The following MCTP2 variants were observed in gnomAD, a reference collection of about 807,000 sequenced individuals.
The protein encoded by MCTP2 is multiple C2 and transmembrane domain-containing protein 2.
Under a neutral mutation model 111.6 loss-of-function variants are expected in MCTP2, and 132 were observed. The ratio of observed to expected loss-of-function variants is 1.18; its 90% CI spans 1.03 to 1.37. The LOEUF (loss-of-function observed/expected upper bound fraction) is 1.37, where lower values mean the gene tolerates loss of function less well. MCTP2 is among the 40% of genes most tolerant of loss of function. The probability of loss-of-function intolerance (pLI) is 0.00; values close to 1 mark genes in which losing one functional copy is unlikely to be tolerated. For synonymous variants in MCTP2, 395 were observed against 387.7 expected (o/e 1.02, Z -0.22); for missense variants, 1,183 against 1,067.9 (o/e 1.11, Z -1.50).
chr15:94,260,940 A>G (rs1370631730), intron 1 of MCTP2, among the ~76,000 whole-genome samples: 2 of 152,110 alleles, frequency 1.3e-5, no homozygotes, highest in Non-Finnish European at 2.9e-5. Flanking sequence ...AACATTTACA[A>G]CCTGTTCTCT....
Position 94,458,125 on chromosome 15 carries a change from T to C in MCTP2, c.2251-12T>C, listed in dbSNP as rs1281923247. ...AAGTAACTGAGTTAAATCTTGCTTT[T>C]ATGTTTTCTAGGAATCTGAGAAAAA... On this transcript the variant is annotated splice_polypyrimidine_tract_variant and intron_variant, in intron 19 of 22. Coordinates refer to ENST00000357742, the MANE Select transcript of MCTP2 (RefSeq NM_001385001.1). The C allele has an allele frequency of 4.0e-6, 6 of 1,498,770 alleles. No individual in the cohort carries two copies. The highest frequency in any genetic ancestry group is 5.6e-6 in the Non-Finnish European group (6 of 1,075,822). The allele number at this position is 1,498,770 out of a possible 1,614,324, so 92.8% of individuals were successfully genotyped here.
At chr15:94,257,566 G>GTTTTTTTTTTTTTTTTTTTTTTT (rs1220635423) in intron 1 of MCTP2, among the ~76,000 whole-genome samples, 4 of 73,006 alleles carry the variant, frequency 5.5e-5, no homozygotes, top group Non-Finnish European at 5.3e-5. Context: ...CATTTTCTTT[G>GTTTTTTTTTTTTTTTTTTTTTTT]TTGTTTTTTT....
intron 1 of MCTP2, among the ~76,000 whole-genome samples, chr15:94,257,562 C>T (rs1407124877): frequency 1.2e-3 from 51 of 42,116 alleles, no homozygotes; most frequent in Non-Finnish European, 1.9e-3. Context: ...TTGTCATTTT[C>T]TTTGTTGTTT....
chr15:94,267,869 C>CTTTTTTTTTTCTTTT (rs2073641811), intron 1 of MCTP2, among the ~76,000 whole-genome samples: 3 of 77,454 alleles, frequency 3.9e-5, no homozygotes, highest in Non-Finnish European at 6.7e-5. Context: ...CCTTTTCTTT[C>CTTTTTTTTTTCTTTT]TTTTTTTTTT....
At chr15:94,457,991 C>CAATATTTAAGTTGTAA in intron 19 of MCTP2, 146 bp from the exon 20 acceptor site, 3 of 557,702 alleles carry the variant, frequency 5.4e-6, no homozygotes, top group Non-Finnish European at 9.6e-6. Context: ...GGGGGGGAGT[C>CAATATTTAAGTTGTAA]AATATTTAAG....
chr15:94,352,194 T>C (rs188673500), intron 8 of MCTP2, among the ~76,000 whole-genome samples: 131 of 152,328 alleles, frequency 8.6e-4, no homozygotes, highest in African/African-American at 2.8e-3. Flanking sequence ...CCCTACCTGT[T>C]TGAATCTGCT....
chr15:94,340,364 C>A, intron 6 of MCTP2, 89 bp downstream of exon 6: 3 of 916,136 alleles, frequency 3.3e-6, no homozygotes, highest in Middle Eastern at 2.2e-4. Flanking sequence ...GGTCAAATGA[C>A]AAAAATAACA....
intron 18 of MCTP2, 25 bp downstream of exon 18, chr15:94,440,323 C>A (rs780570401): frequency 1.9e-6 from 3 of 1,612,480 alleles, no homozygotes; most frequent in Middle Eastern, 1.7e-4. Flanking sequence ...GGAGTTCTGA[C>A]ATTTGACTGC....
At chr15:94,329,370 A>G (rs2077033763) in intron 4 of MCTP2, among the ~76,000 whole-genome samples, 1 of 152,192 alleles carries the variant, frequency 6.6e-6, no homozygotes, top group South Asian at 2.1e-4. Flanking sequence ...TTGCATTGCT[A>G]TAAATACCTG....
At chr15:94,457,939 G>T (rs891667937) in intron 19 of MCTP2, among the ~76,000 whole-genome samples, 198 bp from the exon 20 acceptor site, 1 of 152,118 alleles carries the variant, frequency 6.6e-6, no homozygotes, top group South Asian at 2.1e-4. Context: ...AGGCTTGCGC[G>T]TTAGGAGTGG....
chr15:94,412,879 A>G (rs1431801016), intron 17 of MCTP2, among the ~76,000 whole-genome samples: 1 of 151,944 alleles, frequency 6.6e-6, no homozygotes, highest in Non-Finnish European at 1.5e-5. Flanking sequence ...ACTTTTCACA[A>G]TAGGAAAATG....
In MCTP2 at chr15:94,356,199, G is replaced by T. The variant is rs1459718131; in HGVS notation, c.1068G>T (p.Gly356=). The part of the protein sequence containing the change: ...ESLKKNQLWN[G]IISITLLEGK... ...TGAAAAAGAACCAACTCTGGAACGG[G>T]ATTATAAGTATAACTTTGTTGGAAG... The change falls in exon 9 of 23, where the codon GGG becomes GGT. Residue 356 remains glycine (G), a synonymous_variant. Transcript: ENST00000357742. The T allele has an allele frequency of 2.5e-6, 4 of 1,613,464 alleles. No homozygotes were observed. Among genetic ancestry groups the T allele is most frequent in the Non-Finnish European group, 3.4e-6 (4 of 1,179,728 alleles).
At chr15:94,286,516 AC>A (rs1231600450) in intron 1 of MCTP2, among the ~76,000 whole-genome samples, 1 of 152,110 alleles carries the variant, frequency 6.6e-6, no homozygotes, top group Non-Finnish European at 1.5e-5. Context: ...TGAAAGCCAG[AC>A]CTTTTTGTCC....
At chr15:94,268,415 C>T (rs1366763398) in intron 1 of MCTP2, among the ~76,000 whole-genome samples, 3 of 149,438 alleles carry the variant, frequency 2.0e-5, no homozygotes, top group African/African-American at 7.4e-5. Context: ...TAGTCTTGAA[C>T]TCCCGACCTC....
At chr15:94,268,576 G>T (rs1330387924) in intron 1 of MCTP2, among the ~76,000 whole-genome samples, 1 of 151,904 alleles carries the variant, frequency 6.6e-6, no homozygotes, top group South Asian at 2.1e-4. Flanking sequence ...TTTCTCCCTT[G>T]GCTGGCTTCC....
intron 19 of MCTP2, among the ~76,000 whole-genome samples, chr15:94,445,771 G>C (rs193157610): frequency 6.6e-5 from 10 of 152,222 alleles, no homozygotes; most frequent in Non-Finnish European, 4.4e-5. Context: ...CACTCAGTGA[G>C]AGATGAACTG....
At chr15:94,246,355 G>A (rs2072005855) in intron 1 of MCTP2, among the ~76,000 whole-genome samples, 1 of 152,128 alleles carries the variant, frequency 6.6e-6, no homozygotes, top group Non-Finnish European at 1.5e-5. Flanking sequence ...ATTCGTCAGT[G>A]AATGAGTCGT....
rs556808664 is a variant in MCTP2, at chr15:94,326,749, G to A, written c.637+11112G>A. On this transcript the variant is annotated intron_variant, in intron 4 of 22. Coordinates refer to ENST00000357742, the MANE Select transcript of MCTP2 (RefSeq NM_001385001.1). ...CGCCTGGCTAATTTTTGTGTTTTTAGTAGAGATGGCGTTTCACCCTGTTGG... is the reference window on the plus strand; with the variant it reads ...CGCCTGGCTAATTTTTGTGTTTTTAATAGAGATGGCGTTTCACCCTGTTGG... 3.3e-4 allele frequency among the ~76,000 whole-genome samples: 50 copies of A among 149,758 alleles called. No homozygotes were observed. The South Asian group carries it at 9.8e-3, about 29-fold the overall frequency.
intron 17 of MCTP2, among the ~76,000 whole-genome samples, chr15:94,426,495 C>T (rs765851637): frequency 7.4e-4 from 112 of 152,180 alleles, no homozygotes; most frequent in Non-Finnish European, 1.1e-3. Context: ...ATCTGTTCCA[C>T]TGTTAAATTC....
Sources: allele counts gnomAD v4.1 joint callset (sites outside exome capture counted in the v4.1 genomes callset), GRCh38; gene constraint gnomAD v4.1.1; transcripts MANE v1.5; gene names NCBI Gene and HGNC (gene_info 2026-07-23, HGNC 2026-07-21).